COL11A1: variants seen among roughly 807,000 people sequenced by gnomAD.
COL11A1 encodes the protein collagen alpha-1(XI) chain.
COL11A1 carries 74 observed loss-of-function variants against 265.2 expected under a neutral mutation model. That is an observed-to-expected ratio of 0.28 (90% CI 0.23 to 0.34). The LOEUF (loss-of-function observed/expected upper bound fraction) is 0.34. Ranked by LOEUF, COL11A1 falls within the 10% of genes least tolerant of loss-of-function variation. The pLI is 1.00. For synonymous variants in COL11A1, 816 were observed against 727.6 expected (o/e 1.12, Z -1.96); for missense variants, 2,165 against 2,263.6 (o/e 0.96, Z 0.88).
Position 102,978,908 on chromosome 1 carries a change from A to C in COL11A1, c.2661T>G (p.Pro887=), listed in dbSNP as rs768150316. The change falls in exon 34 of 67, where the codon CCT becomes CCG. Residue 887 remains proline (P), a synonymous_variant. Transcript: ENST00000370096. Reference sequence around the variant, plus strand: ...GACCTCTTGCACCTCTTGAACCTCGAGGACCCTGCAGATGAGAACAAAAGA... The same window carrying C: ...GACCTCTTGCACCTCTTGAACCTCGCGGACCCTGCAGATGAGAACAAAAGA... ...GPRGQRGPTG[P]RGSRGARGPT... The C allele has an allele frequency of 6.2e-7, 1 of 1,614,214 alleles. No individual in the cohort carries two copies. The highest frequency in any genetic ancestry group is 1.3e-5 in the African/African-American group (1 of 75,076).
chr1:103,011,682 C>T (rs545360414), intron 14 of COL11A1, among the ~76,000 whole-genome samples: 5 of 151,688 alleles, frequency 3.3e-5, no homozygotes, highest in African/African-American at 1.2e-4. Flanking sequence ...CAGAATAATA[C>T]GTTCTGTAAA....
chr1:102,955,240 A>G (rs1475432529), intron 41 of COL11A1, among the ~76,000 whole-genome samples: 1 of 152,180 alleles, frequency 6.6e-6, no homozygotes, highest in African/African-American at 2.4e-5. Context: ...GAAGGTTCTC[A>G]GAAATAGGAT....
rs138925294 is a variant in COL11A1 at position 103,051,649 on chromosome 1, C to T, written c.652-20405G>A. On this transcript the variant is annotated intron_variant, in intron 4 of 66. Transcript: ENST00000370096. ...CTGGCACACCCCAGTGAGATGAACC[C>T]GGTACCTCAGTTGGAAATGCAGAAA... Among the ~76,000 whole-genome samples, 693 of 152,282 alleles carry T rather than the reference C, an allele frequency of 4.6e-3. 6 individuals are homozygous for T. Among genetic ancestry groups the T allele is most frequent in the African/African-American group, 0.016 (652 of 41,554 alleles).
chr1:102,877,841 T>A lies in COL11A1; in HGVS notation c.*178A>T. On this transcript the variant is annotated 3_prime_UTR_variant, in exon 67 of 67. Transcript: ENST00000370096. ...ACACCAACTTATATCTTTATGATTT[T>A]CAAAGCTTTTGCCATGTGATTCTGC... 1 of 596,704 alleles carries A rather than the reference T, an allele frequency of 1.7e-6. No individual in the cohort carries two copies. Among genetic ancestry groups the A allele is most frequent in the Non-Finnish European group, 3.0e-6 (1 of 336,212 alleles). The allele number at this position is 596,704 out of a possible 1,614,324, so 37.0% of individuals were successfully genotyped here. A position where few individuals can be genotyped will look rare whatever the true frequency, so the allele number is the denominator to read the frequency against.
chr1:103,001,780 A>G, intron 24 of COL11A1, 145 bp downstream of exon 24: 1 of 725,928 alleles, frequency 1.4e-6, no homozygotes, highest in Non-Finnish European at 2.5e-6. Flanking sequence ...CCCACACTAT[A>G]TTTCCATGTC....
intron 49 of COL11A1, among the ~76,000 whole-genome samples, chr1:102,918,819 G>A (rs1655651397): frequency 6.6e-6 from 1 of 152,034 alleles, no homozygotes; most frequent in South Asian, 2.1e-4. Context: ...TGGAAACAAT[G>A]TGGAAGGAAG....
intron 4 of COL11A1, among the ~76,000 whole-genome samples, chr1:103,042,956 A>G (rs1477697918): frequency 6.1e-5 from 9 of 147,860 alleles, no homozygotes; most frequent in African/African-American, 2.2e-4. Flanking sequence ...CATCATATAT[A>G]TGAAATAGAT....
intron 42 of COL11A1, among the ~76,000 whole-genome samples, chr1:102,943,442 CACACACACAT>C (rs1330568418): frequency 3.8e-5 from 5 of 131,444 alleles, no homozygotes; most frequent in Non-Finnish European, 6.5e-5. Context: ...GAGATACACA[CACACACACAT>C]ACACACACAC....
At chr1:103,063,080 A>G (rs960396007) in intron 4 of COL11A1, among the ~76,000 whole-genome samples, 2 of 152,058 alleles carry the variant, frequency 1.3e-5, no homozygotes, top group African/African-American at 2.4e-5. Context: ...AACTTTAAAA[A>G]TAAAAATATT....
In COL11A1 at chr1:103,005,863, C is replaced by A. The variant is rs779153123; in HGVS notation, c.1820G>T (p.Gly607Val). ...KGDRGFDGLPGLPGDKGHRGE... is the reference protein window; with the variant it reads ...KGDRGFDGLPVLPGDKGHRGE... ...CCTGTGACCTTTGTCACCTGGCAGA[C>A]CCGGAAGTCCATCAAACCCTCGATC... Residue 607 changes from glycine (G) to valine (V), a missense_variant, in exon 18 of 67, where the codon GGT becomes GTT. Transcript: ENST00000370096. 6.2e-7 allele frequency: 1 copy of A among 1,613,662 alleles called. No homozygotes were observed.
At chr1:102,901,752 T>G (rs563154902) in intron 54 of COL11A1, among the ~76,000 whole-genome samples, 6 of 152,336 alleles carry the variant, frequency 3.9e-5, no homozygotes, top group African/African-American at 1.4e-4. Context: ...AAGAGAACTA[T>G]TCTTCATATA....
intron 42 of COL11A1, among the ~76,000 whole-genome samples, chr1:102,940,661 A>G (rs1658630320): frequency 6.6e-6 from 1 of 152,160 alleles, no homozygotes; most frequent in African/African-American, 2.4e-5. Context: ...TTAGGACCCA[A>G]CTTAGAATTT....
At chr1:102,880,264 A>T (rs902250037) in intron 65 of COL11A1, among the ~76,000 whole-genome samples, 2 of 152,220 alleles carry the variant, frequency 1.3e-5, no homozygotes, top group African/African-American at 4.8e-5. Context: ...AATTGGTAAA[A>T]TAATGGAACA....
At chr1:103,005,548 C>T (rs1331336766) in intron 18 of COL11A1, among the ~76,000 whole-genome samples, 1 of 152,002 alleles carries the variant, frequency 6.6e-6, no homozygotes, top group Non-Finnish European at 1.5e-5. Flanking sequence ...ATTAAATGTC[C>T]ACATTGCTCT....
chr1:103,095,018 A>G (rs1673635192), intron 1 of COL11A1, among the ~76,000 whole-genome samples: 1 of 152,094 alleles, frequency 6.6e-6, no homozygotes, highest in Non-Finnish European at 1.5e-5. Flanking sequence ...CAAAGTACAA[A>G]ATGCCGTTAC....
At chr1:102,989,616 T>G (rs1227857940) in intron 28 of COL11A1, 45 bp from the exon 29 acceptor site, 2 of 1,354,970 alleles carry the variant, frequency 1.5e-6, no homozygotes, top group Non-Finnish European at 2.1e-6. Context: ...AATCAGTCCT[T>G]TGGAGTAACC....
chr1:103,086,448 G>A (rs945342231), intron 1 of COL11A1, among the ~76,000 whole-genome samples: 3 of 152,080 alleles, frequency 2.0e-5, no homozygotes, highest in Non-Finnish European at 4.4e-5. Context: ...ACGGAGTCTT[G>A]CTCTGTTGCC....
intron 44 of COL11A1, among the ~76,000 whole-genome samples, chr1:102,938,626 G>A (rs1028333516): frequency 2.0e-5 from 3 of 151,940 alleles, no homozygotes; most frequent in Admixed American, 1.3e-4. Context: ...TTATATTGAA[G>A]TTTTATGATT....
At chr1:102,955,881 A>G (rs1660322564) in intron 41 of COL11A1, among the ~76,000 whole-genome samples, 1 of 152,158 alleles carries the variant, frequency 6.6e-6, no homozygotes, top group African/African-American at 2.4e-5. Flanking sequence ...GTGCATCAAG[A>G]CATCCATTTA....
Sources: allele counts gnomAD v4.1 joint callset (sites outside exome capture counted in the v4.1 genomes callset), GRCh38; gene constraint gnomAD v4.1.1; transcripts MANE v1.5; gene names NCBI Gene and HGNC (gene_info 2026-07-23, HGNC 2026-07-21).